Variants in CNBD1 observed in about 807,000 individuals in gnomAD.
CNBD1 encodes cyclic nucleotide-binding domain-containing protein 1.
Under a neutral mutation model 54.4 loss-of-function variants are expected in CNBD1, and 71 were observed. The ratio of observed to expected loss-of-function variants is 1.30; its 90% CI spans 1.08 to 1.59. The LOEUF (loss-of-function observed/expected upper bound fraction) is 1.59. CNBD1 is among the 40% of genes most tolerant of loss of function. CNBD1 has a pLI of 0.00. For missense variants in CNBD1, 659 were observed against 518.0 expected, an observed-to-expected ratio of 1.27 and a Z score of -2.64; for synonymous variants, 182 against 170.7, an observed-to-expected ratio of 1.07 and a Z score of -0.51.
intron 8 of CNBD1, among the ~76,000 whole-genome samples, chr8:87,312,354 G>A (rs1277588091): frequency 2.0e-5 from 3 of 152,156 alleles, no homozygotes; most frequent in African/African-American, 7.2e-5. Flanking sequence ...GGCAATTGCT[G>A]CATGATTAGT....
chr8:87,024,008 C>A (rs891494693), intron 4 of CNBD1, among the ~76,000 whole-genome samples: 1 of 151,902 alleles, frequency 6.6e-6, no homozygotes, highest in African/African-American at 2.4e-5. Context: ...GAGGCCGAGG[C>A]GGGTGGATCA....
intron 6 of CNBD1, among the ~76,000 whole-genome samples, chr8:87,248,498 A>AT (rs1246790451): frequency 1.3e-5 from 2 of 152,180 alleles, no homozygotes; most frequent in Non-Finnish European, 2.9e-5. Flanking sequence ...TTGTGTTCAC[A>AT]TTTTTTTCTT....
At chr8:87,075,911 T>C (rs1810859818) in intron 4 of CNBD1, among the ~76,000 whole-genome samples, 1 of 152,228 alleles carries the variant, frequency 6.6e-6, no homozygotes, top group Non-Finnish European at 1.5e-5. Context: ...TTATTATCTT[T>C]TTATTTTTGT....
chr8:87,427,477 C>T (rs918616967), intron 2 of CNBD1, among the ~76,000 whole-genome samples: 2 of 152,000 alleles, frequency 1.3e-5, no homozygotes, highest in Admixed American at 6.5e-5. Flanking sequence ...AAAGTATTAG[C>T]GCTTTCATCT....
chr8:86,992,570 C>T (rs985464609), intron 4 of CNBD1, among the ~76,000 whole-genome samples: 1 of 151,850 alleles, frequency 6.6e-6, no homozygotes, highest in East Asian at 1.9e-4. Flanking sequence ...GTGTCTGTGG[C>T]CTGCGCTTAA....
intron 4 of CNBD1, among the ~76,000 whole-genome samples, chr8:87,069,798 A>G (rs985048355): frequency 2.0e-5 from 3 of 152,072 alleles, no homozygotes; most frequent in Non-Finnish European, 2.9e-5. Context: ...TCATATGGGC[A>G]TATAATACAT....
chr8:87,378,108 G>C (rs1810990009), intron 10 of CNBD1, among the ~76,000 whole-genome samples: 2 of 144,144 alleles, frequency 1.4e-5, no homozygotes, highest in Admixed American at 7.0e-5. Context: ...TAAGTTGCCT[G>C]TTCACTCTGA....
At chr8:87,012,561 C>G (rs1375187719) in intron 4 of CNBD1, among the ~76,000 whole-genome samples, 1 of 152,142 alleles carries the variant, frequency 6.6e-6, no homozygotes, top group Non-Finnish European at 1.5e-5. Flanking sequence ...TCCGGCCTTC[C>G]TTCCCAGATC....
At chr8:87,076,059 C>T (rs1346092773) in intron 4 of CNBD1, among the ~76,000 whole-genome samples, 1 of 152,214 alleles carries the variant, frequency 6.6e-6, no homozygotes, top group Non-Finnish European at 1.5e-5. Flanking sequence ...ACATATGAAG[C>T]AATTTCAATT....
chr8:86,961,763 G>A (rs1003620634), intron 4 of CNBD1, among the ~76,000 whole-genome samples: 2 of 152,244 alleles, frequency 1.3e-5, no homozygotes, highest in East Asian at 1.9e-4. Context: ...CAGAGTGACA[G>A]CCATGAAGTA....
intron 2 of CNBD1, among the ~76,000 whole-genome samples, chr8:86,901,763 T>C (rs1362471810): frequency 2.0e-5 from 3 of 152,146 alleles, no homozygotes; most frequent in Non-Finnish European, 1.5e-5. Flanking sequence ...GAGAATCTTA[T>C]GTGGAAGGAT....
At chr8:87,380,797 C>T (rs1055552677) in intron 10 of CNBD1, among the ~76,000 whole-genome samples, 1 of 151,894 alleles carries the variant, frequency 6.6e-6, no homozygotes, top group East Asian at 1.9e-4. Context: ...GGTTGTTTTA[C>T]TAATTTAATC....
chr8:87,125,404 A>C (rs1362055588), intron 4 of CNBD1, among the ~76,000 whole-genome samples: 1 of 151,820 alleles, frequency 6.6e-6, no homozygotes, highest in Non-Finnish European at 1.5e-5. Flanking sequence ...TATAATCAAA[A>C]TAGCATGGCG....
chr8:86,914,010 C>T (rs1046474244), intron 3 of CNBD1, among the ~76,000 whole-genome samples: 2 of 152,118 alleles, frequency 1.3e-5, no homozygotes, highest in African/African-American at 4.8e-5. Context: ...AGAAATATGG[C>T]TCTGTCCCAC....
intron 4 of CNBD1, among the ~76,000 whole-genome samples, chr8:87,131,147 C>T (rs1171361468): frequency 6.6e-6 from 1 of 151,912 alleles, no homozygotes; most frequent in Non-Finnish European, 1.5e-5. Context: ...ATCTGCATTC[C>T]TAATTGGAAT....
intron 5 of CNBD1, among the ~76,000 whole-genome samples, chr8:87,226,189 C>A (rs1814485464): frequency 6.6e-6 from 1 of 151,822 alleles, no homozygotes; most frequent in Non-Finnish European, 1.5e-5. Context: ...TTCAAAAAAC[C>A]AGCTCCTGGA....
At chr8:87,074,629 C>T (rs1384516383) in intron 4 of CNBD1, among the ~76,000 whole-genome samples, 1 of 152,232 alleles carries the variant, frequency 6.6e-6, no homozygotes, top group South Asian at 2.1e-4. Context: ...AGTGTGGTTT[C>T]CTGGGTGAGG....
chr8:87,067,516 A>G (rs528204442), intron 4 of CNBD1, among the ~76,000 whole-genome samples: 1 of 152,132 alleles, frequency 6.6e-6, no homozygotes, highest in Admixed American at 6.6e-5. Context: ...CAGTGTTTCT[A>G]TACACATTTT....
At chr8:87,348,505 A>T (rs1363473205) in intron 8 of CNBD1, among the ~76,000 whole-genome samples, 1 of 152,168 alleles carries the variant, frequency 6.6e-6, no homozygotes, top group Admixed American at 6.5e-5. Flanking sequence ...AATTGGTACT[A>T]TTACTTTATA....
Sources: allele counts gnomAD v4.1 joint callset (sites outside exome capture counted in the v4.1 genomes callset), GRCh38; gene constraint gnomAD v4.1.1; transcripts MANE v1.5; gene names NCBI Gene and HGNC (gene_info 2026-07-23, HGNC 2026-07-21).